EPAS1: variants seen among roughly 807,000 people sequenced by gnomAD.
EPAS1 encodes the protein endothelial PAS domain protein 1, also known as endothelial PAS domain-containing protein 1.
EPAS1 carries 23 observed loss-of-function variants against 87.9 expected under a neutral mutation model. The observed-to-expected ratio is 0.26, with a 90% confidence interval of 0.19 to 0.37. The LOEUF is 0.37. EPAS1 is among the 10% of genes least tolerant of loss of function. The pLI, the probability that EPAS1 is intolerant of heterozygous loss-of-function variation, is 1.00. For synonymous variants in EPAS1, 508 were observed against 444.3 expected, an observed-to-expected ratio of 1.14 and a Z score of -1.80; for missense variants, 1,138 against 1,120.7, an observed-to-expected ratio of 1.02 and a Z score of -0.22.
chr2:46,380,408 C>T lies in EPAS1; in HGVS notation c.1736C>T (p.Pro579Leu), dbSNP rs375648855. ...NIFQPLAPVAPHSPFLLDKFQ... is the reference protein window; with the variant it reads ...NIFQPLAPVALHSPFLLDKFQ... ...TTCCAGCCACTGGCCCCTGTAGCCC[C>T]GCACAGTCCCTTCCTCCTGGACAAG... Residue 579 changes from proline (P) to leucine (L), a missense_variant, in exon 12 of 16, where the codon CCG becomes CTG. This residue lies in a region of EPAS1 where 502 missense variants were observed against 427.1 expected (regional missense o/e 1.18). Coordinates refer to ENST00000263734, the MANE Select transcript of EPAS1 (RefSeq NM_001430.5). The surrounding 1 kb of genome is among the most constrained non-coding windows in gnomAD (Gnocchi z 4.4). 27 of 1,614,038 alleles carry T rather than the reference C, an allele frequency of 1.7e-5. No individual in the cohort carries two copies. Among genetic ancestry groups the T allele is most frequent in the Middle Eastern group, 1.6e-4 (1 of 6,084 alleles).
chr2:46,311,385 G>C (rs1285849193), intron 1 of EPAS1, among the ~76,000 whole-genome samples: 6 of 152,166 alleles, frequency 3.9e-5, no homozygotes, highest in Admixed American at 3.9e-4. Context: ...AAGGAGCCTG[G>C]ACTGTCAGAA....
chr2:46,376,811 C>G (rs1684761016), intron 9 of EPAS1, 58 bp downstream of exon 9: 3 of 1,573,346 alleles, frequency 1.9e-6, no homozygotes, highest in South Asian at 2.2e-5. Context: ...GGGAAGAGTT[C>G]TTACTATAAC....
At chr2:46,298,183 C>T (rs1462727584) in intron 1 of EPAS1, among the ~76,000 whole-genome samples, 1 of 152,164 alleles carries the variant, frequency 6.6e-6, no homozygotes, top group Admixed American at 6.5e-5. Context: ...GGCCAGGAGG[C>T]CGAGGGAGAT....
rs1430521878 is a variant in EPAS1, at chr2:46,297,927, GAGA to G, written c.21_23del (p.Lys8del). 1.9e-6 allele frequency: 3 copies of G among 1,612,524 alleles called. No homozygotes were observed. In the African/African-American group the frequency reaches 4.0e-5, roughly 22 times the overall value. On this transcript the variant is annotated inframe_deletion, in exon 1 of 16. Coordinates refer to ENST00000263734, the MANE Select transcript of EPAS1 (RefSeq NM_001430.5). ...CACAGCGACAATGACAGCTGACAAGGAGAAGAAAAGGTAAGCGGGCGTCCGGGC... is the reference window on the plus strand; with the variant it reads ...CACAGCGACAATGACAGCTGACAAGGAGAAAAGGTAAGCGGGCGTCCGGGC...
At chr2:46,377,003 AC>A (rs1290916795) in intron 9 of EPAS1, among the ~76,000 whole-genome samples, 1 of 151,680 alleles carries the variant, frequency 6.6e-6, no homozygotes, top group African/African-American at 2.4e-5. Context: ...AAGAGAGGAC[AC>A]CCCCCTGAGG....
chr2:46,359,257 CAAAAAAAAAAA>C (rs57351888), intron 4 of EPAS1, among the ~76,000 whole-genome samples: 12 of 25,094 alleles, frequency 4.8e-4, no homozygotes, highest in East Asian at 8.0e-3. Flanking sequence ...GATTCTGTCT[CAAAAAAAAAAA>C]AAAAAAAAAA....
chr2:46,378,029 C>A lies in EPAS1; in HGVS notation c.1385C>A (p.Ala462Glu). ...CTGCCTGCCTTCACCGTGCCCCAGG[C>A]AGCTGCCCCGGGCAGCACCACCCCC... ...GSLPAFTVPQ[A>E]AAPGSTTPSA... is the part of the protein sequence containing the mutation. Residue 462 changes from alanine (A) to glutamate (E), a missense_variant, in exon 10 of 16, where the codon GCA (alanine) becomes GAA (glutamate). Transcript: ENST00000263734. 6.2e-7 allele frequency: 1 copy of A among 1,604,612 alleles called. No homozygotes were observed.
At chr2:46,343,692 G>C (rs765292887) in intron 1 of EPAS1, among the ~76,000 whole-genome samples, 2 of 152,224 alleles carry the variant, frequency 1.3e-5, no homozygotes, top group African/African-American at 4.8e-5. Flanking sequence ...GAACCAAGAG[G>C]CTGCCTAAGA....
chr2:46,315,816 T>G (rs1683304322), intron 1 of EPAS1, among the ~76,000 whole-genome samples: 1 of 152,208 alleles, frequency 6.6e-6, no homozygotes, highest in Non-Finnish European at 1.5e-5. Flanking sequence ...CCTCAAATTC[T>G]TTGGAAGATT....
chr2:46,313,360 G>A (rs538474243), intron 1 of EPAS1, among the ~76,000 whole-genome samples: 3 of 152,210 alleles, frequency 2.0e-5, no homozygotes, highest in Admixed American at 1.3e-4. Flanking sequence ...CCTCCCTAGG[G>A]AAGCATTTTC....
intron 1 of EPAS1, among the ~76,000 whole-genome samples, chr2:46,340,235 A>G (rs905001074): frequency 6.6e-6 from 1 of 152,052 alleles, no homozygotes; most frequent in African/African-American, 2.4e-5. Context: ...AGGCCAGAAG[A>G]TAAGTATCTC....
chr2:46,307,120 G>A (rs1479203671), intron 1 of EPAS1, among the ~76,000 whole-genome samples: 1 of 152,200 alleles, frequency 6.6e-6, no homozygotes, highest in Non-Finnish European at 1.5e-5. Flanking sequence ...CTGTACCCTT[G>A]TATTTCTCTC....
intron 6 of EPAS1, among the ~76,000 whole-genome samples, chr2:46,367,352 A>T (rs1432969267): frequency 2.0e-5 from 3 of 152,252 alleles, no homozygotes; most frequent in Admixed American, 2.0e-4. Flanking sequence ...AAAATTCTAG[A>T]CCTGCCCAGG....
In EPAS1 at chr2:46,380,580, T is replaced by C. The variant is rs35606117; in HGVS notation, c.1908T>C (p.Asn636=). 0.032 allele frequency: 51,286 copies of C among 1,613,990 alleles called. 962 individuals are homozygous for C. The highest frequency in any genetic ancestry group is 0.038 in the Non-Finnish European group (45,253 of 1,179,972). ...TPLSSMGGRS[N]TQWPPDPPLH... is the part of the protein sequence containing the mutation. Reference sequence around the variant, plus strand: ...TCTCTTCCATGGGGGGCAGATCCAATACCCAGTGGCCCCCAGATCCACCAT... The same window carrying C: ...TCTCTTCCATGGGGGGCAGATCCAACACCCAGTGGCCCCCAGATCCACCAT... The change falls in exon 12 of 16, where the codon AAT becomes AAC. Residue 636 remains asparagine, a synonymous_variant. Coordinates refer to ENST00000263734, the MANE Select transcript of EPAS1 (RefSeq NM_001430.5). This position sits in a 1 kb window ranked among gnomAD's most constrained non-coding sequence, Gnocchi z 4.4.
At chr2:46,327,657 A>G (rs1487927194) in intron 1 of EPAS1, among the ~76,000 whole-genome samples, 1 of 152,254 alleles carries the variant, frequency 6.6e-6, no homozygotes, top group Non-Finnish European at 1.5e-5. Flanking sequence ...GAAGCTATAA[A>G]GAGGCTCAAA....
intron 7 of EPAS1, among the ~76,000 whole-genome samples, chr2:46,373,374 C>G (rs892552716): frequency 6.6e-6 from 1 of 152,042 alleles, no homozygotes; most frequent in Admixed American, 6.6e-5. Context: ...CTGAAAACAA[C>G]TCAAACATCC....
At chr2:46,309,732 G>C (rs956595789) in intron 1 of EPAS1, among the ~76,000 whole-genome samples, 5 of 152,188 alleles carry the variant, frequency 3.3e-5, no homozygotes, top group Non-Finnish European at 7.3e-5. Context: ...TCCAGGGCTG[G>C]ATCTGGAGCT....
intron 6 of EPAS1, among the ~76,000 whole-genome samples, chr2:46,361,967 C>A (rs1684398912): frequency 6.6e-6 from 1 of 152,122 alleles, no homozygotes; most frequent in Non-Finnish European, 1.5e-5. Context: ...GAACAGATGC[C>A]CGGAGCAATG....
In EPAS1 at chr2:46,298,439, G is replaced by T. The variant is rs1327048745; in HGVS notation, c.26+502G>T. The stretch of plus-strand genomic sequence containing the variant: ...AAAGGGGGGCGGGAGGCGGAGAGCG[G>T]CTCAGGGACACGATCCTACCGAGGA... On this transcript the variant is annotated intron_variant, in intron 1 of 15. Transcript: ENST00000263734. Among the ~76,000 whole-genome samples, 5 of 152,200 alleles carry T rather than the reference G, an allele frequency of 3.3e-5. No homozygotes were observed. In the East Asian group the frequency reaches 5.8e-4, roughly 18 times the overall value.
Sources: allele counts gnomAD v4.1 joint callset (sites outside exome capture counted in the v4.1 genomes callset), GRCh38; gene constraint gnomAD v4.1.1; regional missense constraint gnomAD v4.1.1; non-coding constraint Gnocchi (gnomAD v3.1); transcripts MANE v1.5; gene names NCBI Gene and HGNC (gene_info 2026-07-23, HGNC 2026-07-21).